The following CNTNAP5 variants were observed in gnomAD, a reference collection of about 807,000 sequenced individuals.
CNTNAP5 encodes the protein contactin-associated protein-like 5.
In CNTNAP5, 72 loss-of-function variants were observed where a neutral mutation model predicts 150.2. The observed-to-expected ratio is 0.48, with a 90% CI of 0.40 to 0.58. CNTNAP5 has a LOEUF of 0.58. Among genes scored for constraint, CNTNAP5 ranks in the 20% least tolerant of loss-of-function variants. The probability of loss-of-function intolerance (pLI) is 0.00; values close to 1 mark genes in which losing one functional copy is unlikely to be tolerated. For synonymous variants in CNTNAP5, 672 were observed against 619.8 expected (o/e 1.08, Z -1.25); for missense variants, 1,636 against 1,626.2 (o/e 1.01, Z -0.10).
At chr2:124,518,494 C>A (rs2104880055) in intron 8 of CNTNAP5, among the ~76,000 whole-genome samples, 1 of 152,146 alleles carries the variant, frequency 6.6e-6, no homozygotes, top group South Asian at 2.1e-4. Flanking sequence ...AGTAGTGTAG[C>A]CACTTTGGAA....
intron 13 of CNTNAP5, among the ~76,000 whole-genome samples, chr2:124,658,874 G>A (rs1678514717): frequency 6.6e-6 from 1 of 152,174 alleles, no homozygotes; most frequent in Non-Finnish European, 1.5e-5. Context: ...GCACCTCTGA[G>A]CTTGCTTTTC....
At chr2:124,510,623 A>T (rs1694565777) in intron 8 of CNTNAP5, among the ~76,000 whole-genome samples, 1 of 151,426 alleles carries the variant, frequency 6.6e-6, no homozygotes, top group South Asian at 2.1e-4. Context: ...ATTCCTTAAA[A>T]GGATTATCAT....
At chr2:124,911,035 T>C (rs773061390) in intron 22 of CNTNAP5, among the ~76,000 whole-genome samples, 6 of 151,894 alleles carry the variant, frequency 4.0e-5, no homozygotes, top group Non-Finnish European at 5.9e-5. Flanking sequence ...GGCCTGCTCC[T>C]GAAGGTGTTA....
intron 10 of CNTNAP5, among the ~76,000 whole-genome samples, chr2:124,537,098 G>A (rs1205061021): frequency 1.3e-5 from 2 of 152,046 alleles, no homozygotes. Context: ...ACAATGTTGT[G>A]AGGTTAATAT....
chr2:124,840,437 T>G (rs1459557857), intron 19 of CNTNAP5, among the ~76,000 whole-genome samples: 1 of 152,084 alleles, frequency 6.6e-6, no homozygotes, highest in Non-Finnish European at 1.5e-5. Flanking sequence ...TGACATTTGT[T>G]TTGTTTGTAG....
intron 6 of CNTNAP5, among the ~76,000 whole-genome samples, chr2:124,472,483 A>C (rs1693540108): frequency 1.3e-5 from 2 of 151,596 alleles, no homozygotes; most frequent in African/African-American, 2.4e-5. Context: ...GGAGTTAGGA[A>C]GTTTTGATGG....
intron 5 of CNTNAP5, among the ~76,000 whole-genome samples, chr2:124,440,344 A>T (rs1418255263): frequency 6.6e-6 from 1 of 152,066 alleles, no homozygotes; most frequent in African/African-American, 2.4e-5. Context: ...TTCAAGAATG[A>T]CTTTTTTTTT....
intron 8 of CNTNAP5, among the ~76,000 whole-genome samples, chr2:124,520,485 T>C (rs1344456498): frequency 6.6e-6 from 1 of 152,218 alleles, no homozygotes; most frequent in Non-Finnish European, 1.5e-5. Flanking sequence ...GAACAACATA[T>C]AAAATTGACT....
chr2:124,397,723 T>C (rs1284124449), intron 3 of CNTNAP5, among the ~76,000 whole-genome samples: 1 of 152,190 alleles, frequency 6.6e-6, no homozygotes, highest in Non-Finnish European at 1.5e-5. Context: ...TTCTGAAAGA[T>C]GATATGAATG....
chr2:124,554,088 GT>G (rs879742302), intron 10 of CNTNAP5, among the ~76,000 whole-genome samples: 9 of 151,254 alleles, frequency 6.0e-5, no homozygotes, highest in African/African-American at 1.5e-4. Flanking sequence ...TGTTCTTTAA[GT>G]TTTTTTTTCT....
intron 3 of CNTNAP5, among the ~76,000 whole-genome samples, chr2:124,359,566 A>C (rs1690137302): frequency 7.0e-6 from 1 of 142,920 alleles, no homozygotes; most frequent in African/African-American, 2.6e-5. Context: ...TTATGTACCC[A>C]GTAGTCATTC....
intron 7 of CNTNAP5, among the ~76,000 whole-genome samples, chr2:124,490,225 T>A (rs1693985851): frequency 6.6e-6 from 1 of 151,832 alleles, no homozygotes; most frequent in South Asian, 2.1e-4. Flanking sequence ...TCCCAGCTAC[T>A]TGGGAGGCTG....
chr2:124,672,457 G>A (rs557314638), intron 13 of CNTNAP5, among the ~76,000 whole-genome samples: 1 of 152,224 alleles, frequency 6.6e-6, no homozygotes, highest in East Asian at 1.9e-4. Flanking sequence ...AATACTGAAA[G>A]TCAAAAAAAG....
intron 3 of CNTNAP5, among the ~76,000 whole-genome samples, chr2:124,349,595 A>G (rs1479593127): frequency 6.6e-6 from 1 of 152,172 alleles, no homozygotes; most frequent in African/African-American, 2.4e-5. Context: ...ACACACCTAT[A>G]AGAAGACTGA....
intron 18 of CNTNAP5, among the ~76,000 whole-genome samples, chr2:124,794,977 T>C (rs1010872514): frequency 6.6e-5 from 10 of 152,192 alleles, no homozygotes; most frequent in Admixed American, 2.0e-4. Flanking sequence ...TTTATTTAAT[T>C]TGTTTGATTT....
intron 2 of CNTNAP5, among the ~76,000 whole-genome samples, chr2:124,236,172 G>C (rs1000088420): frequency 6.6e-6 from 1 of 152,022 alleles, no homozygotes; most frequent in Admixed American, 6.6e-5. Flanking sequence ...CACCATGTTG[G>C]CCACACTGGT....
At chr2:124,455,945 C>T (rs891700926) in intron 6 of CNTNAP5, among the ~76,000 whole-genome samples, 1 of 152,124 alleles carries the variant, frequency 6.6e-6, no homozygotes, top group African/African-American at 2.4e-5. Flanking sequence ...GTGACAAGCC[C>T]ACATGCAACG....
Position 124,244,767 on chromosome 2 carries a change from T to C in CNTNAP5, c.381+2374T>C, listed in dbSNP as rs375615001. On this transcript the variant is annotated intron_variant, in intron 3 of 23. Transcript: ENST00000682447. The stretch of plus-strand genomic sequence containing the variant: ...AAATAGGTGTCCCCTTAATTAATAC[T>C]GGGATAACTAACAGTTACTAAACAC... Among the ~76,000 whole-genome samples the C allele has an allele frequency of 7.9e-5, 12 of 152,306 alleles. No individual in the cohort carries two copies. The East Asian group carries it at 2.3e-3, about 29-fold the overall frequency.
chr2:124,266,604 T>A (rs537969631), intron 3 of CNTNAP5, among the ~76,000 whole-genome samples: 2 of 152,200 alleles, frequency 1.3e-5, no homozygotes, highest in African/African-American at 4.8e-5. Flanking sequence ...CAGCCTCCCA[T>A]GCAGGAGGAG....
Sources: gnomAD v4.1 joint callset for allele counts (sites outside exome capture counted in the v4.1 genomes callset) on GRCh38, gnomAD v4.1.1 for gene constraint, MANE v1.5 for transcripts, NCBI Gene and HGNC (gene_info 2026-07-23, HGNC 2026-07-21) for gene names.